The following SS18 variants were observed in gnomAD, a reference collection of about 807,000 sequenced individuals.
The protein encoded by SS18 is SS18 subunit of BAF chromatin remodeling complex, also known as protein SSXT.
A neutral mutation model predicts 72.5 loss-of-function variants in SS18; 28 were observed. The ratio of observed to expected loss-of-function variants is 0.39; its 90% CI spans 0.29 to 0.53. SS18 has a LOEUF of 0.53. Ranked by LOEUF, SS18 falls within the 20% of genes least tolerant of loss-of-function variation. The pLI is 0.76. For missense variants in SS18, 518 were observed against 535.3 expected (o/e 0.97, Z 0.32); for synonymous variants, 172 against 164.2 (o/e 1.05, Z -0.37).
intron 3 of SS18, among the ~76,000 whole-genome samples, chr18:26,067,339 A>G (rs2054237635): frequency 1.3e-5 from 2 of 152,360 alleles, no homozygotes; most frequent in South Asian, 2.1e-4. Context: ...CTTCTGACTA[A>G]GAGAACTAAG....
intron 3 of SS18, among the ~76,000 whole-genome samples, chr18:26,065,409 A>C (rs2054194694): frequency 6.6e-6 from 1 of 152,132 alleles, no homozygotes; most frequent in Non-Finnish European, 1.5e-5. Flanking sequence ...TGTCACAACG[A>C]AACAACTTAC....
At chr18:26,050,617 T>C (rs1044619783) in intron 5 of SS18, among the ~76,000 whole-genome samples, 4 of 152,160 alleles carry the variant, frequency 2.6e-5, no homozygotes, top group African/African-American at 7.2e-5. Flanking sequence ...TATAACTTTC[T>C]TTTTTGGTAA....
intron 10 of SS18, among the ~76,000 whole-genome samples, chr18:26,029,718 T>A (rs977608488): frequency 2.6e-5 from 4 of 152,216 alleles, no homozygotes; most frequent in Admixed American, 6.5e-5. Flanking sequence ...GTAAGATTCA[T>A]CTGCCTAAAC....
At chr18:26,021,679 G>C (rs919691375) in intron 10 of SS18, among the ~76,000 whole-genome samples, 3 of 152,110 alleles carry the variant, frequency 2.0e-5, no homozygotes, top group Non-Finnish European at 4.4e-5. Flanking sequence ...GGGTTCAAAA[G>C]CTTTTCAAAA....
At position 26,052,640 on chromosome 18, in the gene SS18, A is replaced by G; in HGVS notation, c.591T>C (p.Ser197=). ...CTTAGTTACCTTGGTTTGGCTGCAT[A>G]CTCATATTTGGTCTGGGACCATAGT... The part of the protein sequence containing the change: ...MGNYGPRPNM[S]MQPNQGPMMH... Residue 197 remains serine, a synonymous_variant, in exon 5 of 11, where the codon AGT becomes AGC. Transcript: ENST00000415083. 1 of 1,613,930 alleles carries G rather than the reference A, an allele frequency of 6.2e-7. No homozygotes were observed. Among genetic ancestry groups the G allele is most frequent in the Non-Finnish European group, 8.5e-7 (1 of 1,179,840 alleles).
At position 26,090,612 on chromosome 18, in the gene SS18, G is replaced by A. The variant is rs891508328; in HGVS notation, c.-43C>T. On this transcript the variant is annotated 5_prime_UTR_variant, in exon 1 of 11. Transcript: ENST00000415083. ...TATCGGCAAGTCCCGAGCGCTCCGG[G>A]TGAACGGCAAACTGGGGGAGAGACG... 1.1e-5 allele frequency: 17 copies of A among 1,545,456 alleles called. No homozygotes were observed. Among genetic ancestry groups the A allele is most frequent in the Non-Finnish European group, 1.3e-5 (15 of 1,143,598 alleles).
intron 10 of SS18, among the ~76,000 whole-genome samples, chr18:26,019,056 A>AAAGGGACATGATGAAGCAGCACG (rs906981997): frequency 1.3e-5 from 2 of 152,148 alleles, no homozygotes; most frequent in Non-Finnish European, 1.5e-5. Context: ...AATATAGACA[A>AAAGGGACATGATGAAGCAGCACG]AAGGGACATG....
At chr18:26,029,364 C>T (rs1220466173) in intron 10 of SS18, among the ~76,000 whole-genome samples, 1 of 152,056 alleles carries the variant, frequency 6.6e-6, no homozygotes, top group Non-Finnish European at 1.5e-5. Context: ...TACTCTGGGT[C>T]CCATGTGCAG....
At chr18:26,028,445 C>T (rs1037915145) in intron 10 of SS18, among the ~76,000 whole-genome samples, 29 of 152,262 alleles carry the variant, frequency 1.9e-4, no homozygotes, top group African/African-American at 6.7e-4. Flanking sequence ...TCATATGATC[C>T]AACCATTCCA....
chr18:26,021,837 T>C (rs1003937608), intron 10 of SS18, among the ~76,000 whole-genome samples: 9 of 152,300 alleles, frequency 5.9e-5, no homozygotes, highest in African/African-American at 1.7e-4. Flanking sequence ...GAAAAAATTA[T>C]AAATTTATTT....
At chr18:26,072,194 A>G (rs761877643) in intron 3 of SS18, among the ~76,000 whole-genome samples, 1 of 152,120 alleles carries the variant, frequency 6.6e-6, no homozygotes, top group African/African-American at 2.4e-5. Context: ...TTTGATTGGG[A>G]TGTATATTAT....
At chr18:26,036,687 A>G (rs998887368) in intron 7 of SS18, among the ~76,000 whole-genome samples, 3 of 152,124 alleles carry the variant, frequency 2.0e-5, no homozygotes, top group Non-Finnish European at 2.9e-5. Context: ...CCTAAAATCT[A>G]AACTCAATTT....
At chr18:26,022,396 T>C (rs2053367832) in intron 10 of SS18, among the ~76,000 whole-genome samples, 1 of 151,660 alleles carries the variant, frequency 6.6e-6, no homozygotes, top group African/African-American at 2.4e-5. Context: ...AATTAATGCA[T>C]GTTTCTATTC....
intron 3 of SS18, among the ~76,000 whole-genome samples, chr18:26,067,569 A>C (rs1431882272): frequency 6.6e-6 from 1 of 152,156 alleles, no homozygotes; most frequent in African/African-American, 2.4e-5. Flanking sequence ...GGCAACCATC[A>C]ATGTTTAGAT....
chr18:26,067,754 A>C (rs1164805496), intron 3 of SS18, among the ~76,000 whole-genome samples: 1 of 152,178 alleles, frequency 6.6e-6, no homozygotes, highest in Non-Finnish European at 1.5e-5. Flanking sequence ...GAAGCTAAAG[A>C]ATAAGTTTCA....
At chr18:26,048,350 C>A (rs892586183) in intron 5 of SS18, among the ~76,000 whole-genome samples, 1 of 152,098 alleles carries the variant, frequency 6.6e-6, no homozygotes, top group Non-Finnish European at 1.5e-5. Context: ...ACACATCTAT[C>A]AAAAGTGAAA....
chr18:26,071,811 G>A (rs1162050869), intron 3 of SS18, among the ~76,000 whole-genome samples: 1 of 151,956 alleles, frequency 6.6e-6, no homozygotes, highest in African/African-American at 2.4e-5. Flanking sequence ...CTGGGTGACG[G>A]AGTGAAACAC....
At chr18:26,047,643 C>A (rs1323297045) in intron 5 of SS18, among the ~76,000 whole-genome samples, 3 of 152,052 alleles carry the variant, frequency 2.0e-5, no homozygotes, top group Non-Finnish European at 2.9e-5. Context: ...AGATTGAGAC[C>A]ATCCTGGCTA....
Position 26,032,005 on chromosome 18 carries a change from C to T in SS18, c.1230+394G>A, listed in dbSNP as rs892415346. Among the ~76,000 whole-genome samples, 4 of 151,922 alleles carry T rather than the reference C, an allele frequency of 2.6e-5. No homozygotes were observed. The South Asian group carries it at 6.2e-4, about 24-fold the overall frequency. ...GAAGAAAAGGGATGAGAAGGGATCACGGAGGGGGAACCAAATGAATTTATT... is the reference window on the plus strand; with the variant it reads ...GAAGAAAAGGGATGAGAAGGGATCATGGAGGGGGAACCAAATGAATTTATT... On this transcript the variant is annotated intron_variant, in intron 10 of 10. Transcript: ENST00000415083.
Sources: gnomAD v4.1 joint callset for allele counts (sites outside exome capture counted in the v4.1 genomes callset) on GRCh38, gnomAD v4.1.1 for gene constraint, MANE v1.5 for transcripts, NCBI Gene and HGNC (gene_info 2026-07-23, HGNC 2026-07-21) for gene names.